The following AGAP1 variants were observed in gnomAD, a reference collection of about 807,000 sequenced individuals.
AGAP1 encodes the protein ArfGAP with GTPase domain, ankyrin repeat and PH domain 1.
Under a neutral mutation model 105.3 loss-of-function variants are expected in AGAP1, and 29 were observed. The ratio of observed to expected loss-of-function variants is 0.28; its 90% CI spans 0.21 to 0.38. The LOEUF (loss-of-function observed/expected upper bound fraction) is 0.38. Ranked by LOEUF, AGAP1 falls within the 10% of genes least tolerant of loss-of-function variation. AGAP1 has a pLI of 1.00. For synonymous variants in AGAP1, 509 were observed against 485.9 expected, an observed-to-expected ratio of 1.05 and a Z score of -0.63; for missense variants, 998 against 1,165.1, an observed-to-expected ratio of 0.86 and a Z score of 2.09.
rs776691698 is a variant in AGAP1, at chr2:235,742,956, C to T, written c.397-1742C>T. Reference sequence around the variant, plus strand: ...CTGAGGCAGGCAGATCACCTGAGGTCGGGAGTTCAAGACCAGCCTGGCCAA... The same window carrying T: ...CTGAGGCAGGCAGATCACCTGAGGTTGGGAGTTCAAGACCAGCCTGGCCAA... On this transcript the variant is annotated intron_variant, in intron 4 of 17. Coordinates refer to ENST00000304032, the MANE Select transcript of AGAP1 (RefSeq NM_001037131.3). Among the ~76,000 whole-genome samples, 40 of 152,136 alleles carry T rather than the reference C, an allele frequency of 2.6e-4. 1 individual carries two copies. Among genetic ancestry groups the T allele is most frequent in the Admixed American group, 1.9e-3 (29 of 15,280 alleles).
At chr2:235,519,397 T>A (rs1942531257) in intron 1 of AGAP1, among the ~76,000 whole-genome samples, 1 of 152,150 alleles carries the variant, frequency 6.6e-6, no homozygotes, top group Non-Finnish European at 1.5e-5. Flanking sequence ...TTAATTGGTT[T>A]AATCCTCCCA....
intron 1 of AGAP1, among the ~76,000 whole-genome samples, chr2:235,561,294 A>G (rs1944142149): frequency 6.6e-6 from 1 of 152,152 alleles, no homozygotes; most frequent in African/African-American, 2.4e-5. Context: ...CAAACAAATG[A>G]CGTTTAGGAA....
Position 235,494,325 on chromosome 2 carries a change from G to A in AGAP1, c.-362G>A, listed in dbSNP as rs1362183098. 1 of 144,406 alleles carries A rather than the reference G, an allele frequency of 6.9e-6. No homozygotes were observed. The highest frequency in any genetic ancestry group is 2.5e-5 in the African/African-American group (1 of 40,208). 8.9% of individuals were successfully genotyped at this position (144,406 alleles called of 1,614,324 possible). A position where few individuals can be genotyped will look rare whatever the true frequency, so the allele number is the denominator to read the frequency against. On this transcript the variant is annotated 5_prime_UTR_variant, in exon 1 of 18. Coordinates refer to ENST00000304032, the MANE Select transcript of AGAP1 (RefSeq NM_001037131.3). ...GCCTGGGCTTTAATGGCTGCTCCGC[G>A]GAGCAGCGCCTAGGGCTGGAAGGCG...
rs2050118135 is a variant in AGAP1 at position 235,883,233 on chromosome 2, A to T, written c.1051-112A>T. Reference sequence around the variant, plus strand: ...ATCTTTTAGCATTCGCCAGTATCACAGAGTGAAGTTCTGCACACACACAGA... The same window carrying T: ...ATCTTTTAGCATTCGCCAGTATCACTGAGTGAAGTTCTGCACACACACAGA... On this transcript the variant is annotated intron_variant, in intron 9 of 17. Coordinates refer to ENST00000304032, the MANE Select transcript of AGAP1 (RefSeq NM_001037131.3). The surrounding 1 kb of genome is among the most constrained non-coding windows in gnomAD (Gnocchi z 4.5). 3 of 815,396 alleles carry T rather than the reference A, an allele frequency of 3.7e-6. No individual in the cohort carries two copies. The highest frequency in any genetic ancestry group is 6.1e-6 in the Non-Finnish European group (3 of 494,012). 50.5% of individuals were successfully genotyped at this position (815,396 alleles called of 1,614,324 possible). A position where few individuals can be genotyped will look rare whatever the true frequency, so the allele number is the denominator to read the frequency against.
In AGAP1 at chr2:235,608,542, G is replaced by A. The variant is rs528873303; in HGVS notation, c.164-100637G>A. Among the ~76,000 whole-genome samples the A allele has an allele frequency of 4.6e-5, 7 of 152,280 alleles. No individual in the cohort carries two copies. The East Asian group carries it at 1.4e-3, about 29-fold the overall frequency. On this transcript the variant is annotated intron_variant, in intron 1 of 17. Transcript: ENST00000304032. This position sits in a 1 kb window ranked among gnomAD's most constrained non-coding sequence, Gnocchi z 5.4. ...GGGCTGGGACCCTCTGCCTCTCCCA[G>A]TGAGACCAACCCTGCCCTCTGGACG...
intron 5 of AGAP1, among the ~76,000 whole-genome samples, chr2:235,749,570 T>C (rs1953258456): frequency 6.7e-6 from 1 of 150,006 alleles, no homozygotes. Context: ...CCCACCCCTC[T>C]AGGCCTCACC....
rs1354608081 is a variant in AGAP1, at chr2:235,983,069, T to C, written c.1645+14446T>C. On this transcript the variant is annotated intron_variant, in intron 13 of 17. Coordinates refer to ENST00000304032, the MANE Select transcript of AGAP1 (RefSeq NM_001037131.3). The surrounding 1 kb of genome is among the most constrained non-coding windows in gnomAD (Gnocchi z 4.5). ...AGACATTCCTTAAGCCAGCCTGGTC[T>C]GTGGAGGTGTGCTCACTGCTGCAGG... Among the ~76,000 whole-genome samples, 1 of 152,220 alleles carries C rather than the reference T, an allele frequency of 6.6e-6. No individual in the cohort carries two copies. The highest frequency in any genetic ancestry group is 1.5e-5 in the Non-Finnish European group (1 of 68,028).
chr2:235,670,023 TGCCCTCCCCGCTTGGCCCGGC>T (rs1339105193), intron 1 of AGAP1: 3 of 341,564 alleles, frequency 8.8e-6, no homozygotes, highest in Non-Finnish European at 1.6e-5. Flanking sequence ...CCGGCCCGCC[TGCCCTCCCCGCTTGGCCCGGC>T]GCCCTCCCGG....
chr2:235,998,398 A>G (rs1390900626), intron 13 of AGAP1, among the ~76,000 whole-genome samples: 1 of 152,198 alleles, frequency 6.6e-6, no homozygotes, highest in Non-Finnish European at 1.5e-5. Flanking sequence ...GAGAAGATGG[A>G]TGCCTTGGAG....
In AGAP1 at chr2:235,908,095, G is replaced by C. The variant is rs1354030736; in HGVS notation, c.1156-643G>C. 6.6e-6 allele frequency among the ~76,000 whole-genome samples: 1 copy of C among 152,160 alleles called. No homozygotes were observed. The highest frequency in any genetic ancestry group is 1.5e-5 in the Non-Finnish European group (1 of 68,026). Reference sequence around the variant, plus strand: ...TTCCCTGCCCATCAGCCAGTTTCCAGGTAGTGTTTGACTCCACAGTGAGTT... The same window carrying C: ...TTCCCTGCCCATCAGCCAGTTTCCACGTAGTGTTTGACTCCACAGTGAGTT... On this transcript the variant is annotated intron_variant, in intron 10 of 17. Transcript: ENST00000304032. This position sits in a 1 kb window ranked among gnomAD's most constrained non-coding sequence, Gnocchi z 4.4.
At position 235,758,908 on chromosome 2, in the gene AGAP1, C is replaced by T. The variant is rs142665142; in HGVS notation, c.673+8420C>T. ...TCTGGGCTCAAGCCGTCCTCCCGCC[C>T]CAGCCTCCCAAGTTGCTGGGATTAC... On this transcript the variant is annotated intron_variant, in intron 6 of 17. Coordinates refer to ENST00000304032, the MANE Select transcript of AGAP1 (RefSeq NM_001037131.3). 6.0e-3 allele frequency among the ~76,000 whole-genome samples: 918 copies of T among 152,232 alleles called. 15 individuals are homozygous for T. Among genetic ancestry groups the T allele is most frequent in the African/African-American group, 0.021 (875 of 41,536 alleles).
Position 236,035,534 on chromosome 2 carries a change from G to A in AGAP1, c.1646-1027G>A, listed in dbSNP as rs2057353424. On this transcript the variant is annotated intron_variant, in intron 13 of 17. Coordinates refer to ENST00000304032, the MANE Select transcript of AGAP1 (RefSeq NM_001037131.3). The surrounding 1 kb of genome is among the most constrained non-coding windows in gnomAD (Gnocchi z 4.2). ...CCGAGCTACTCAGGAGGCGAAGGCA[G>A]GCTCGCTTGAGCCTGGGAGGTGGAA... is the stretch of plus-strand genomic sequence containing the variant. Among the ~76,000 whole-genome samples, 1 of 152,184 alleles carries A rather than the reference G, an allele frequency of 6.6e-6. No homozygotes were observed. Among genetic ancestry groups the A allele is most frequent in the Non-Finnish European group, 1.5e-5 (1 of 68,040 alleles).
At chr2:235,947,373 A>T in intron 12 of AGAP1, among the ~76,000 whole-genome samples, 1 of 152,126 alleles carries the variant, frequency 6.6e-6, no homozygotes, top group East Asian at 1.9e-4. Flanking sequence ...TGGTCTCCAA[A>T]TCTGCCCAGG....
At chr2:235,768,556 G>A (rs1278613142) in intron 6 of AGAP1, among the ~76,000 whole-genome samples, 1 of 152,220 alleles carries the variant, frequency 6.6e-6, no homozygotes, top group East Asian at 1.9e-4. Context: ...GTCTTTTAGT[G>A]CCAAAGGACA....
chr2:236,110,487 C>T (rs959520236), intron 16 of AGAP1, among the ~76,000 whole-genome samples: 10 of 152,022 alleles, frequency 6.6e-5, no homozygotes, highest in Admixed American at 2.0e-4. Context: ...GACTTGAGCC[C>T]GGGAGTTCCA....
chr2:235,687,993 C>T (rs1949551113), intron 1 of AGAP1, among the ~76,000 whole-genome samples: 1 of 149,552 alleles, frequency 6.7e-6, no homozygotes, highest in Admixed American at 6.7e-5. Flanking sequence ...CCTCCGCCTC[C>T]TGGGTTCACG....
chr2:236,017,247 C>G (rs985068584), intron 13 of AGAP1, among the ~76,000 whole-genome samples: 9 of 149,682 alleles, frequency 6.0e-5, no homozygotes, highest in African/African-American at 1.7e-4. Context: ...GAGCCAAGAT[C>G]ACTCCACTGC....
chr2:235,548,141 T>G (rs1249819871), intron 1 of AGAP1, among the ~76,000 whole-genome samples: 1 of 152,238 alleles, frequency 6.6e-6, no homozygotes, highest in Admixed American at 6.5e-5. Context: ...CTGCTGTTCC[T>G]GTCCTAGGGC....
At chr2:236,022,722 A>G (rs1183200441) in intron 13 of AGAP1, among the ~76,000 whole-genome samples, 1 of 152,056 alleles carries the variant, frequency 6.6e-6, no homozygotes, top group African/African-American at 2.4e-5. Flanking sequence ...TTTGGTAGAG[A>G]TGGAATTTTG....
Sources: gnomAD v4.1 joint callset for allele counts (sites outside exome capture counted in the v4.1 genomes callset) on GRCh38, gnomAD v4.1.1 for gene constraint, Gnocchi (gnomAD v3.1) non-coding constraint, MANE v1.5 for transcripts, NCBI Gene and HGNC (gene_info 2026-07-23, HGNC 2026-07-21) for gene names.